Variants in TIMD4 observed in about 807,000 individuals in gnomAD.
The protein encoded by TIMD4 is T cell immunoglobulin and mucin domain containing 4, also known as T-cell immunoglobulin and mucin domain-containing protein 4.
TIMD4 carries 31 observed loss-of-function variants against 41.2 expected under a neutral mutation model. That is an observed-to-expected ratio of 0.75 (90% CI 0.57 to 1.01). TIMD4 has a LOEUF of 1.01. Ranked by LOEUF, TIMD4 falls within the 50% of genes least tolerant of loss-of-function variation. The pLI, the probability that TIMD4 is intolerant of heterozygous loss-of-function variation, is 0.00. For synonymous variants in TIMD4, 204 were observed against 177.1 expected (o/e 1.15, Z -1.21); for missense variants, 479 against 472.5 (o/e 1.01, Z -0.13).
At chr5:156,930,162 A>G (rs1427412585) in intron 5 of TIMD4, among the ~76,000 whole-genome samples, 2 of 151,992 alleles carry the variant, frequency 1.3e-5, no homozygotes, top group African/African-American at 2.4e-5. Context: ...GGGTCTTGCT[A>G]TGTTGCCCAG....
intron 5 of TIMD4, among the ~76,000 whole-genome samples, chr5:156,936,436 G>T (rs1265156541): frequency 6.6e-6 from 1 of 152,184 alleles, no homozygotes; most frequent in African/African-American, 2.4e-5. Context: ...ATGCTCGTCA[G>T]TAGTTCCCAT....
chr5:156,950,843 G>A (rs1025994763), intron 3 of TIMD4, among the ~76,000 whole-genome samples: 1 of 152,190 alleles, frequency 6.6e-6, no homozygotes, highest in Non-Finnish European at 1.5e-5. Flanking sequence ...AGTCTGACCA[G>A]GAGTGACCTT....
intron 3 of TIMD4, among the ~76,000 whole-genome samples, 170 bp from the exon 4 acceptor site, chr5:156,949,901 T>G (rs1376941718): frequency 6.6e-6 from 1 of 152,180 alleles, no homozygotes; most frequent in East Asian, 1.9e-4. Flanking sequence ...CACTTCTGTC[T>G]CCACCTCCCA....
At chr5:156,939,561 G>A (rs1759602256) in intron 5 of TIMD4, among the ~76,000 whole-genome samples, 2 of 152,276 alleles carry the variant, frequency 1.3e-5, no homozygotes, top group South Asian at 4.1e-4. Flanking sequence ...CCATGAGTCA[G>A]CCCAGACCCA....
intron 5 of TIMD4, among the ~76,000 whole-genome samples, chr5:156,942,991 C>T (rs192407028): frequency 1.3e-5 from 2 of 152,304 alleles, no homozygotes; most frequent in Non-Finnish European, 2.9e-5. Flanking sequence ...AGAATTACTA[C>T]TATGAGATTG....
rs115431031 is a variant in TIMD4 at position 156,932,072 on chromosome 5, T to C, written c.845-5760A>G. ...TTAAAAATACATACAGAAATACAAT[T>C]ATGTATTCTTAAATATTTGCATACT... On this transcript the variant is annotated intron_variant, in intron 5 of 8. Transcript: ENST00000274532. 4.0e-3 allele frequency among the ~76,000 whole-genome samples: 603 copies of C among 152,312 alleles called. 7 individuals carry two copies. Among genetic ancestry groups the C allele is most frequent in the African/African-American group, 0.013 (532 of 41,572 alleles).
intron 6 of TIMD4, among the ~76,000 whole-genome samples, chr5:156,925,882 G>C (rs889025526): frequency 3.9e-5 from 6 of 151,912 alleles, no homozygotes; most frequent in African/African-American, 1.5e-4. Flanking sequence ...AAACCTCTGC[G>C]GATTTTTTGT....
intron 1 of TIMD4, among the ~76,000 whole-genome samples, chr5:156,961,837 G>GAAAAAAAAAAAAA (rs1753066060): frequency 1.5e-5 from 1 of 66,482 alleles, no homozygotes; most frequent in Non-Finnish European, 3.1e-5. Flanking sequence ...AAAAAAAAAA[G>GAAAAAAAAAAAAA]AAAGAAAAAA....
chr5:156,933,070 C>T (rs1225041153), intron 5 of TIMD4, among the ~76,000 whole-genome samples: 1 of 151,390 alleles, frequency 6.6e-6, no homozygotes, highest in East Asian at 1.9e-4. Flanking sequence ...ATTGTTCTAT[C>T]GAATATATGA....
intron 5 of TIMD4, among the ~76,000 whole-genome samples, chr5:156,940,638 G>C (rs1240277166): frequency 2.0e-5 from 3 of 150,170 alleles, no homozygotes; most frequent in Non-Finnish European, 1.5e-5. Flanking sequence ...ATCTCTACCC[G>C]GCCACCACCC....
At chr5:156,925,047 G>T (rs1043200259) in intron 6 of TIMD4, among the ~76,000 whole-genome samples, 2 of 152,184 alleles carry the variant, frequency 1.3e-5, no homozygotes, top group Admixed American at 6.5e-5. Context: ...GTTGGCTCAC[G>T]CCTGTAATCC....
At chr5:156,929,240 C>A (rs1317874272) in intron 5 of TIMD4, among the ~76,000 whole-genome samples, 2 of 152,144 alleles carry the variant, frequency 1.3e-5, no homozygotes, top group Admixed American at 1.3e-4. Context: ...TGTGTTCCCC[C>A]AGCCCTTAGA....
At chr5:156,958,795 T>C (rs1760028299) in intron 1 of TIMD4, among the ~76,000 whole-genome samples, 3 of 152,154 alleles carry the variant, frequency 2.0e-5, no homozygotes, top group South Asian at 2.1e-4. Flanking sequence ...ATGGACAATG[T>C]ATATATGGGG....
Position 156,951,508 on chromosome 5 carries a change from G to T in TIMD4, c.679+4C>A, listed in dbSNP as rs200005171. Reference sequence around the variant, plus strand: ...TCTAAGAAACCCAAGATACATCTGCGTACCTGCAGTGAGGATGGGCCCTTC... The same window carrying T: ...TCTAAGAAACCCAAGATACATCTGCTTACCTGCAGTGAGGATGGGCCCTTC... On this transcript the variant is annotated splice_donor_region_variant and intron_variant, in intron 3 of 8. Coordinates refer to ENST00000274532, the MANE Select transcript of TIMD4 (RefSeq NM_138379.3). 8 of 1,614,072 alleles carry T rather than the reference G, an allele frequency of 5.0e-6. No homozygotes were observed. In the Admixed American group the frequency reaches 1.2e-4, roughly 24 times the overall value.
intron 5 of TIMD4, among the ~76,000 whole-genome samples, chr5:156,935,950 T>C (rs909272434): frequency 6.6e-6 from 1 of 152,214 alleles, no homozygotes; most frequent in African/African-American, 2.4e-5. Context: ...TCAATAAATC[T>C]TCAATGAGAC....
At chr5:156,952,614 G>T (rs1304588468) in intron 2 of TIMD4, among the ~76,000 whole-genome samples, 1 of 152,120 alleles carries the variant, frequency 6.6e-6, no homozygotes, top group Non-Finnish European at 1.5e-5. Flanking sequence ...TCAGCTAAAG[G>T]TTACTTCTGC....
chr5:156,957,142 C>T (rs1759986392), intron 1 of TIMD4, among the ~76,000 whole-genome samples: 1 of 151,892 alleles, frequency 6.6e-6, no homozygotes, highest in Non-Finnish European at 1.5e-5. Flanking sequence ...AAAGATGATT[C>T]CCAATTTGGA....
chr5:156,933,562 GT>G (rs1759482852), intron 5 of TIMD4, among the ~76,000 whole-genome samples: 1 of 148,766 alleles, frequency 6.7e-6, no homozygotes. Flanking sequence ...GTTTTGTTTT[GT>G]TTTGTTTTGT....
At chr5:156,921,870 C>T (rs1405303093) in intron 7 of TIMD4, among the ~76,000 whole-genome samples, 1 of 152,142 alleles carries the variant, frequency 6.6e-6, no homozygotes, top group Non-Finnish European at 1.5e-5. Flanking sequence ...TGCTCTTCTG[C>T]TTTTTTTCCT....
Sources: allele counts gnomAD v4.1 joint callset (sites outside exome capture counted in the v4.1 genomes callset), GRCh38; gene constraint gnomAD v4.1.1; transcripts MANE v1.5; gene names NCBI Gene and HGNC (gene_info 2026-07-23, HGNC 2026-07-21).